Variants in TENM2 observed in about 807,000 individuals in gnomAD.
TENM2 encodes the protein teneurin transmembrane protein 2.
Under a neutral mutation model 245.2 loss-of-function variants are expected in TENM2, and 52 were observed. The ratio of observed to expected loss-of-function variants is 0.21; its 90% CI spans 0.17 to 0.27. The LOEUF is 0.27. TENM2 is among the 10% of genes least tolerant of loss of function. TENM2 has a pLI of 1.00. For missense variants in TENM2, 3,046 were observed against 3,666.8 expected, an observed-to-expected ratio of 0.83 and a Z score of 4.37; for synonymous variants, 1,363 against 1,438.9, an observed-to-expected ratio of 0.95 and a Z score of 1.19.
At chr5:168,140,976 C>G (rs1343780441) in intron 12 of TENM2, among the ~76,000 whole-genome samples, 3 of 152,068 alleles carry the variant, frequency 2.0e-5, no homozygotes, top group Non-Finnish European at 1.5e-5. Context: ...TTGGACTGAG[C>G]AGCAGTGACT....
At chr5:166,997,833 G>A in the TENM2 span, among the ~76,000 whole-genome samples, 2 of 152,114 alleles carry the variant, frequency 1.3e-5, no homozygotes, top group Non-Finnish European at 2.9e-5. Flanking sequence ...ACTAATTTCA[G>A]CACTGAGGTA....
At chr5:167,818,795 T>G (rs973416814) in intron 2 of TENM2, among the ~76,000 whole-genome samples, 1 of 152,202 alleles carries the variant, frequency 6.6e-6, no homozygotes, top group Non-Finnish European at 1.5e-5. Flanking sequence ...TTAGTTGCTT[T>G]TAAACCCTAT....
intron 2 of TENM2, among the ~76,000 whole-genome samples, chr5:167,726,368 C>T (rs1009054655): frequency 2.0e-5 from 3 of 152,092 alleles, no homozygotes; most frequent in Non-Finnish European, 4.4e-5. Context: ...ATTATTATTA[C>T]ATTGTTTATC....
chr5:167,060,461 G>C, the TENM2 span, among the ~76,000 whole-genome samples: 49 of 151,968 alleles, frequency 3.2e-4, no homozygotes, highest in African/African-American at 1.2e-3. Flanking sequence ...GAGCAGCCTG[G>C]CCAACATGGT....
In TENM2 at chr5:167,626,970, T is replaced by A. The variant is rs1778551404; in HGVS notation, c.503-249016T>A. On this transcript the variant is annotated intron_variant, in intron 2 of 28. Coordinates refer to ENST00000518659, the Ensembl canonical transcript of TENM2. The stretch of plus-strand genomic sequence containing the variant: ...ACTCTCTTTCTGATTAGAGTTGTCC[T>A]CCCTTTTACCCAGAGGCTTTCCATG... Among the ~76,000 whole-genome samples, 5 of 152,226 alleles carry A rather than the reference T, an allele frequency of 3.3e-5. No homozygotes were observed. In the South Asian group the frequency reaches 1.0e-3, roughly 32 times the overall value.
intron 4 of TENM2, among the ~76,000 whole-genome samples, chr5:167,969,823 A>C (rs1274875883): frequency 6.6e-6 from 1 of 152,236 alleles, no homozygotes; most frequent in African/African-American, 2.4e-5. Context: ...AACTAGAGTC[A>C]CATGCCCACA....
chr5:167,780,808 T>C (rs150761444), intron 2 of TENM2, among the ~76,000 whole-genome samples: 1 of 152,346 alleles, frequency 6.6e-6, no homozygotes, highest in Non-Finnish European at 1.5e-5. Context: ...CAGTATTCTC[T>C]AATTCAGTGT....
intron 3 of TENM2, among the ~76,000 whole-genome samples, chr5:167,878,552 C>T (rs1404578199): frequency 2.1e-5 from 3 of 146,000 alleles, no homozygotes; most frequent in East Asian, 2.1e-4. Flanking sequence ...AAATCGAGTT[C>T]GAGTATGCGT....
chr5:167,963,132 A>G (rs1781138277), intron 4 of TENM2, among the ~76,000 whole-genome samples: 1 of 152,202 alleles, frequency 6.6e-6, no homozygotes, highest in African/African-American at 2.4e-5. Context: ...GCGATTTACT[A>G]TCCGAGAAAG....
At chr5:168,226,310 C>T (rs367882767) in intron 24 of TENM2, 47 bp downstream of exon 26, 101 of 1,565,864 alleles carry the variant, frequency 6.5e-5, no homozygotes, top group Non-Finnish European at 8.5e-5. Context: ...ACCCATAGAC[C>T]CAGAACCCAG....
chr5:168,147,589 T>C (rs1048735732), intron 12 of TENM2, among the ~76,000 whole-genome samples: 4 of 152,222 alleles, frequency 2.6e-5, no homozygotes, highest in African/African-American at 9.6e-5. Flanking sequence ...TTAGAAGAAC[T>C]GAGTCTCCGG....
the TENM2 span, among the ~76,000 whole-genome samples, chr5:167,176,147 G>A: frequency 6.6e-6 from 1 of 152,218 alleles, no homozygotes; most frequent in African/African-American, 2.4e-5. Context: ...TATTCTCTCA[G>A]TGAGTCTTTC....
chr5:167,071,703 G>A, the TENM2 span, among the ~76,000 whole-genome samples: 3 of 152,150 alleles, frequency 2.0e-5, no homozygotes, highest in East Asian at 1.9e-4. Flanking sequence ...ATCTTCTTTC[G>A]ATATTACTGA....
intron 27 of TENM2, among the ~76,000 whole-genome samples, chr5:168,251,090 G>A (rs79313160): frequency 0.017 from 2,590 of 152,258 alleles, 71 homozygotes; most frequent in African/African-American, 0.059. Context: ...TTAGCCATAG[G>A]AGAGAATCCT....
chr5:167,048,000 T>G, the TENM2 span, among the ~76,000 whole-genome samples: 1 of 152,186 alleles, frequency 6.6e-6, no homozygotes, highest in African/African-American at 2.4e-5. Flanking sequence ...TCTTTTTGTG[T>G]AAAACATATT....
intron 2 of TENM2, among the ~76,000 whole-genome samples, chr5:167,716,357 A>G (rs1225776228): frequency 6.6e-6 from 1 of 152,190 alleles, no homozygotes; most frequent in East Asian, 1.9e-4. Flanking sequence ...TCGCTGTTGC[A>G]TCGTATCTGT....
intron 1 of TENM2, among the ~76,000 whole-genome samples, chr5:167,369,717 C>T (rs888330764): frequency 6.6e-6 from 1 of 152,118 alleles, no homozygotes; most frequent in African/African-American, 2.4e-5. Context: ...CTCTTAAATT[C>T]AGGGTGCTTG....
intron 2 of TENM2, among the ~76,000 whole-genome samples, chr5:167,454,217 A>G (rs1053091430): frequency 6.6e-6 from 1 of 152,164 alleles, no homozygotes; most frequent in African/African-American, 2.4e-5. Flanking sequence ...AAAGCTGGTG[A>G]GGGTGGGAAC....
chr5:167,344,364 A>T (rs1356462936), intron 1 of TENM2, among the ~76,000 whole-genome samples: 1 of 149,930 alleles, frequency 6.7e-6, no homozygotes, highest in African/African-American at 2.5e-5. Flanking sequence ...TGACTCCATA[A>T]ATCATTTTGG....
Sources: gnomAD v4.1 joint callset for allele counts (sites outside exome capture counted in the v4.1 genomes callset) on GRCh38, gnomAD v4.1.1 for gene constraint, MANE v1.5 for transcripts, NCBI Gene and HGNC (gene_info 2026-07-23, HGNC 2026-07-21) for gene names.